OSBPL6: variants seen among roughly 807,000 people sequenced by gnomAD.
OSBPL6 encodes the protein oxysterol binding protein like 6, also known as oxysterol-binding protein-related protein 6.
In OSBPL6, 49 loss-of-function variants were observed where a neutral mutation model predicts 125.8. That is an observed-to-expected ratio of 0.39 (90% CI 0.31 to 0.49). The LOEUF is 0.49. Ranked by LOEUF, OSBPL6 falls within the 20% of genes least tolerant of loss-of-function variation. The pLI, the probability that OSBPL6 is intolerant of heterozygous loss-of-function variation, is 0.88. For synonymous variants in OSBPL6, 394 were observed against 391.8 expected, an observed-to-expected ratio of 1.01 and a Z score of -0.07; for missense variants, 986 against 1,135.4, an observed-to-expected ratio of 0.87 and a Z score of 1.89.
chr2:178,310,581 C>A (rs1157802118), intron 3 of OSBPL6, among the ~76,000 whole-genome samples: 1 of 151,970 alleles, frequency 6.6e-6, no homozygotes, highest in Non-Finnish European at 1.5e-5. Flanking sequence ...CCGCACCCGG[C>A]TAATTTTTTG....
intron 14 of OSBPL6, 99 bp downstream of exon 14, chr2:178,372,332 A>G: frequency 1.3e-6 from 1 of 764,346 alleles, no homozygotes; most frequent in Admixed American, 2.8e-5. Flanking sequence ...CACAGTTAAT[A>G]AGGTTCCCTC....
chr2:178,306,740 T>C (rs890490897), intron 3 of OSBPL6, among the ~76,000 whole-genome samples: 2 of 152,234 alleles, frequency 1.3e-5, no homozygotes, highest in African/African-American at 2.4e-5. Flanking sequence ...ACAGATAAAA[T>C]TGTAATACCA....
intron 1 of OSBPL6, among the ~76,000 whole-genome samples, chr2:178,211,748 GATTCCC>G (rs1465930893): frequency 2.0e-5 from 3 of 152,104 alleles, no homozygotes; most frequent in Non-Finnish European, 2.9e-5. Context: ...CCTCTGCCCA[GATTCCC>G]AGCTCGGAGC....
chr2:178,247,805 C>T (rs2091548382), intron 1 of OSBPL6, among the ~76,000 whole-genome samples: 1 of 152,170 alleles, frequency 6.6e-6, no homozygotes, highest in African/African-American at 2.4e-5. Context: ...AAATCCTCTC[C>T]ATGCCCCTGT....
intron 2 of OSBPL6, among the ~76,000 whole-genome samples, chr2:178,287,913 A>G (rs1684860089): frequency 6.6e-6 from 1 of 152,122 alleles, no homozygotes; most frequent in South Asian, 2.1e-4. Context: ...AAATGGGGGA[A>G]AAATTGTAGG....
intron 2 of OSBPL6, among the ~76,000 whole-genome samples, chr2:178,305,112 T>A (rs1213428267): frequency 6.6e-6 from 1 of 152,246 alleles, no homozygotes; most frequent in Non-Finnish European, 1.5e-5. Flanking sequence ...TGGTGTTCTG[T>A]ACTTCCTCCA....
chr2:178,252,787 C>T (rs549327989), intron 1 of OSBPL6, among the ~76,000 whole-genome samples: 1 of 152,234 alleles, frequency 6.6e-6, no homozygotes, highest in Admixed American at 6.5e-5. Flanking sequence ...TTCTTTCCTT[C>T]CTGGCTTGAT....
chr2:178,345,918 T>C (rs1031422841), intron 11 of OSBPL6, among the ~76,000 whole-genome samples: 7 of 152,008 alleles, frequency 4.6e-5, no homozygotes, highest in African/African-American at 1.7e-4. Context: ...AAATTGAGAG[T>C]AGAAGAGAAA....
chr2:178,330,099 C>A (rs1471158316), intron 5 of OSBPL6, among the ~76,000 whole-genome samples: 1 of 152,166 alleles, frequency 6.6e-6, no homozygotes, highest in African/African-American at 2.4e-5. Context: ...CATCCTCCTT[C>A]CTACAATCAC....
At position 178,379,415 on chromosome 2, in the gene OSBPL6, GAGAA is replaced by G. The variant is rs1388693971; in HGVS notation, c.1534-2999_1534-2996del. On this transcript the variant is annotated intron_variant, in intron 15 of 24. Transcript: ENST00000190611. ...GGAGGCAGGGAGGGAGGGAAAGAAA[GAGAA>G]AGAAAAGAAAGAGAAAGAAGAGAGA... is the stretch of plus-strand genomic sequence containing the variant. Among the ~76,000 whole-genome samples the G allele has an allele frequency of 2.2e-4, 24 of 110,870 alleles. No homozygotes were observed. The East Asian group carries it at 6.1e-3, about 28-fold the overall frequency. The allele number at this position is 110,870 out of a possible 152,430, so 72.7% of individuals were successfully genotyped here.
At chr2:178,356,469 G>A (rs1691806299) in intron 12 of OSBPL6, among the ~76,000 whole-genome samples, 1 of 152,108 alleles carries the variant, frequency 6.6e-6, no homozygotes, top group Admixed American at 6.5e-5. Flanking sequence ...GCCAAATCAT[G>A]AGTGAACTCC....
intron 12 of OSBPL6, among the ~76,000 whole-genome samples, chr2:178,355,355 T>C (rs187181440): frequency 6.6e-6 from 1 of 151,696 alleles, no homozygotes; most frequent in East Asian, 1.9e-4. Flanking sequence ...ACTAATAAAT[T>C]AGAAAAGAGA....
At chr2:178,369,899 C>T (rs1693219925) in intron 13 of OSBPL6, among the ~76,000 whole-genome samples, 1 of 152,172 alleles carries the variant, frequency 6.6e-6, no homozygotes, top group South Asian at 2.1e-4. Flanking sequence ...AACACTCTCA[C>T]AGTGGCAACA....
chr2:178,200,806 T>C (rs1053162382), intron 1 of OSBPL6, among the ~76,000 whole-genome samples: 1 of 152,112 alleles, frequency 6.6e-6, no homozygotes, highest in African/African-American at 2.4e-5. Context: ...TCTTTTTTTT[T>C]CTTTTTTGAG....
chr2:178,252,621 G>A (rs1380851949), intron 1 of OSBPL6, among the ~76,000 whole-genome samples: 1 of 152,096 alleles, frequency 6.6e-6, no homozygotes, highest in Admixed American at 6.5e-5. Context: ...ATATATGATT[G>A]TATCAGATGC....
At chr2:178,347,634 T>C (rs1346017287) in intron 11 of OSBPL6, among the ~76,000 whole-genome samples, 1 of 152,234 alleles carries the variant, frequency 6.6e-6, no homozygotes, top group Non-Finnish European at 1.5e-5. Context: ...TATTATTAAG[T>C]TACCTGGACA....
chr2:178,292,367 G>T (rs1477968046), intron 2 of OSBPL6, among the ~76,000 whole-genome samples: 1 of 152,046 alleles, frequency 6.6e-6, no homozygotes, highest in Non-Finnish European at 1.5e-5. Flanking sequence ...AACTACTGTT[G>T]CAGTGAACCA....
chr2:178,300,224 C>T (rs1186086076), intron 2 of OSBPL6, among the ~76,000 whole-genome samples: 1 of 152,144 alleles, frequency 6.6e-6, no homozygotes, highest in African/African-American at 2.4e-5. Flanking sequence ...CCCTGTAGGT[C>T]CCAATTAGAA....
At chr2:178,235,447 C>T (rs190358539) in intron 1 of OSBPL6, among the ~76,000 whole-genome samples, 16 of 122,264 alleles carry the variant, frequency 1.3e-4, no homozygotes, top group African/African-American at 5.1e-4. Context: ...CGCTGTGTCA[C>T]CCAGGCTGGA....
Sources: allele counts gnomAD v4.1 joint callset (sites outside exome capture counted in the v4.1 genomes callset), GRCh38; gene constraint gnomAD v4.1.1; transcripts MANE v1.5; gene names NCBI Gene and HGNC (gene_info 2026-07-23, HGNC 2026-07-21).